The following GBX2 variants were observed in gnomAD, a reference collection of about 807,000 sequenced individuals.
GBX2 encodes homeobox protein GBX-2.
A neutral mutation model predicts 22.4 loss-of-function variants in GBX2; 5 were observed. The observed-to-expected ratio is 0.22, with a 90% CI of 0.12 to 0.47. The LOEUF (loss-of-function observed/expected upper bound fraction) is 0.47, where lower values mean the gene tolerates loss of function less well. Among genes scored for constraint, GBX2 ranks in the 20% least tolerant of loss-of-function variants. The probability of loss-of-function intolerance (pLI) is 0.99; values close to 1 mark genes in which losing one functional copy is unlikely to be tolerated. For missense variants in GBX2, 470 were observed against 495.4 expected, an observed-to-expected ratio of 0.95 and a Z score of 0.49; for synonymous variants, 220 against 230.5, an observed-to-expected ratio of 0.95 and a Z score of 0.41.
Position 236,166,310 on chromosome 2 carries a change from T to C in GBX2, c.651A>G (p.Ala217=), listed in dbSNP as rs775661503. 1 of 1,613,978 alleles carries C rather than the reference T, an allele frequency of 6.2e-7. No individual in the cohort carries two copies. Among genetic ancestry groups the C allele is most frequent in the South Asian group, 1.1e-5 (1 of 91,088 alleles). ...GGCCCGGGTCTTCCTCCTTGTGAGC[T>C]GCCTGGCCAGTCAGATTGTCATCCG... ...YSSDDNLTGQ[A]AHKEEDPGHA... The change falls in exon 2 of 2, where the codon GCA becomes GCG. Residue 217 remains alanine, a synonymous_variant. Transcript: ENST00000306318. The surrounding 1 kb of genome is among the most constrained non-coding windows in gnomAD (Gnocchi z 6.6).
intron 1 of GBX2, 150 bp downstream of exon 1, chr2:236,167,299 C>T: frequency 7.2e-7 from 1 of 1,386,550 alleles, no homozygotes; most frequent in Non-Finnish European, 9.9e-7. Context: ...GGAGGCCCAG[C>T]GGCACAGCCG....
chr2:236,168,180 A>T lies in GBX2; in HGVS notation c.-209T>A. 1 of 379,726 alleles carries T rather than the reference A, an allele frequency of 2.6e-6. No homozygotes were observed. Among genetic ancestry groups the T allele is most frequent in the Non-Finnish European group, 4.3e-6 (1 of 231,498 alleles). 23.5% of individuals were successfully genotyped at this position (379,726 alleles called of 1,614,324 possible). ...TGCGGGGTGAGGCCGTGCGCCCCGG[A>T]GTGGAGAGGGCGCCCGGGCCCCGAG... is the stretch of plus-strand genomic sequence containing the variant. On this transcript the variant is annotated 5_prime_UTR_variant, in exon 1 of 2. Transcript: ENST00000306318.
Position 236,166,263 on chromosome 2 carries a change from G to C in GBX2, c.698C>G (p.Pro233Arg). Residue 233 changes from proline to arginine, a missense_variant, in exon 2 of 2, where the codon CCG (proline) becomes CGG (arginine). Around this residue, in one of 4 missense-constraint regions of GBX2, gnomAD observed 377 missense variants for 358.6 expected, o/e 1.05. Coordinates refer to ENST00000306318, the MANE Select transcript of GBX2 (RefSeq NM_001485.4). The surrounding 1 kb of genome is among the most constrained non-coding windows in gnomAD (Gnocchi z 6.6). ...DPGHALEETP[P>R]SSGAAGSTTS... ...GGTGCTGCCCGCGGCGCCGCTGCTC[G>C]GCGGGGTCTCCTCCAGCGCGTGGCC... is the stretch of plus-strand genomic sequence containing the variant. 4 of 1,613,614 alleles carry C rather than the reference G, an allele frequency of 2.5e-6. No homozygotes were observed. The highest frequency in any genetic ancestry group is 3.4e-6 in the Non-Finnish European group (4 of 1,179,964).
At chr2:236,167,414 C>A (rs2060246681) in intron 1 of GBX2, 35 bp downstream of exon 1, 2 of 1,456,434 alleles carry the variant, frequency 1.4e-6, no homozygotes, top group South Asian at 1.4e-5. Context: ...CCTCCTCCCG[C>A]CCCCTCGTCC....
downstream of GBX2, among the ~76,000 whole-genome samples, chr2:236,162,066 T>C (rs1420927247): frequency 1.3e-5 from 2 of 152,226 alleles, no homozygotes; most frequent in African/African-American, 4.8e-5. Context: ...CTTCACCAGA[T>C]GCAGCTGAAA....
In GBX2 at chr2:236,165,728, G is replaced by C. The variant is rs551829622; in HGVS notation, c.*186C>G. The C allele has an allele frequency of 3.4e-6, 2 of 590,690 alleles. No individual in the cohort carries two copies. The highest frequency in any genetic ancestry group is 2.8e-5 in the East Asian group (1 of 36,112). The allele number at this position is 590,690 out of a possible 1,614,324, so 36.6% of individuals were successfully genotyped here. A position where few individuals can be genotyped will look rare whatever the true frequency, so the allele number is the denominator to read the frequency against. On this transcript the variant is annotated 3_prime_UTR_variant, in exon 2 of 2. Coordinates refer to ENST00000306318, the MANE Select transcript of GBX2 (RefSeq NM_001485.4). ...TAATAAATATTTAGCGTGTCTTCTG[G>C]TGTGGCTGTAAGCCCCTTCAAAAGC...
In GBX2 at chr2:236,167,991, C is replaced by T; in HGVS notation, c.-20G>A. 2.0e-6 allele frequency: 3 copies of T among 1,517,466 alleles called. No homozygotes were observed. The highest frequency in any genetic ancestry group is 2.6e-6 in the Non-Finnish European group (3 of 1,136,066). 94.0% of individuals were successfully genotyped at this position (1,517,466 alleles called of 1,614,324 possible). On this transcript the variant is annotated 5_prime_UTR_variant, in exon 1 of 2. Coordinates refer to ENST00000306318, the MANE Select transcript of GBX2 (RefSeq NM_001485.4). ...GCTCATAGACGCGCTCGGTAGAGGC[C>T]AGCGAGAGGCGAAAAGTCCCCGCGC...
At position 236,168,127 on chromosome 2, in the gene GBX2, G is replaced by A. The variant is rs952753785; in HGVS notation, c.-156C>T. ...GCCTCCGCCCCTCAGTCCTGGGCCC[G>A]CTGCATGCCGGGCGGGTGCAGGGGG... On this transcript the variant is annotated 5_prime_UTR_variant, in exon 1 of 2. Transcript: ENST00000306318. The A allele has an allele frequency of 3.8e-5, 28 of 738,894 alleles. No homozygotes were observed. The African/African-American group carries it at 5.0e-4, about 13-fold the overall frequency. 45.8% of individuals were successfully genotyped at this position (738,894 alleles called of 1,614,324 possible).
At chr2:236,164,670 C>G (rs993928670), downstream of GBX2, among the ~76,000 whole-genome samples, 12 of 152,136 alleles carry the variant, frequency 7.9e-5, no homozygotes, top group South Asian at 2.5e-3. Context: ...GGGGAGGTGC[C>G]GGGGCCGGGG....
chr2:236,163,811 C>A (rs2060223337), downstream of GBX2, among the ~76,000 whole-genome samples: 1 of 152,204 alleles, frequency 6.6e-6, no homozygotes, highest in African/African-American at 2.4e-5. Flanking sequence ...GCACTCAGCG[C>A]TTCCTGGCGG....
At chr2:236,164,200 C>T (rs1168794037), downstream of GBX2, among the ~76,000 whole-genome samples, 1 of 152,158 alleles carries the variant, frequency 6.6e-6, no homozygotes, top group South Asian at 2.1e-4. Context: ...TGGCGGGCCG[C>T]GCTTCCCCTT....
chr2:236,168,201 C>T lies in GBX2; in HGVS notation c.-230G>A. ...CCGGAGTGGAGAGGGCGCCCGGGCCCCGAGGGCTCGCCGGAGCCCCCGTCC... is the reference window on the plus strand; with the variant it reads ...CCGGAGTGGAGAGGGCGCCCGGGCCTCGAGGGCTCGCCGGAGCCCCCGTCC... On this transcript the variant is annotated 5_prime_UTR_variant, in exon 1 of 2. Transcript: ENST00000306318. 3.3e-6 allele frequency: 1 copy of T among 302,422 alleles called. No homozygotes were observed. Among genetic ancestry groups the T allele is most frequent in the Non-Finnish European group, 5.9e-6 (1 of 170,052 alleles). The allele number at this position is 302,422 out of a possible 1,614,324, so 18.7% of individuals were successfully genotyped here.
At chr2:236,163,038 C>A (rs1295205423), downstream of GBX2, among the ~76,000 whole-genome samples, 2 of 152,172 alleles carry the variant, frequency 1.3e-5, no homozygotes, top group Admixed American at 6.5e-5. Context: ...CCAGCTGAGA[C>A]GGCCTGGCTT....
At position 236,168,304 on chromosome 2, in the gene GBX2, C is replaced by A; in HGVS notation, c.-333G>T. The A allele has an allele frequency of 5.7e-6, 1 of 175,794 alleles. No homozygotes were observed. The highest frequency in any genetic ancestry group is 1.2e-5 in the Non-Finnish European group (1 of 83,520). 10.9% of individuals were successfully genotyped at this position (175,794 alleles called of 1,614,324 possible). A position where few individuals can be genotyped will look rare whatever the true frequency, so the allele number is the denominator to read the frequency against. On this transcript the variant is annotated 5_prime_UTR_variant, in exon 1 of 2. Coordinates refer to ENST00000306318, the MANE Select transcript of GBX2 (RefSeq NM_001485.4). ...GTAAGCTGCCGTCCGTCCGTCCGTC[C>A]CGCCGTCCGTCGCCTCCCGCGGGCC...
chr2:236,167,355 G>C, intron 1 of GBX2, 94 bp downstream of exon 1: 1 of 1,392,022 alleles, frequency 7.2e-7, no homozygotes, highest in Non-Finnish European at 9.5e-7. Flanking sequence ...CGGGGGCGCG[G>C]CCTCGCCCCC....
At position 236,165,872 on chromosome 2, in the gene GBX2, G is replaced by A; in HGVS notation, c.*42C>T. On this transcript the variant is annotated 3_prime_UTR_variant, in exon 2 of 2. Coordinates refer to ENST00000306318, the MANE Select transcript of GBX2 (RefSeq NM_001485.4). Reference sequence around the variant, plus strand: ...CACCATGGGTTCCCTCGGGTGCGGGGGCTTCTCCAGGTGGGTGCCAGGCCC... The same window carrying A: ...CACCATGGGTTCCCTCGGGTGCGGGAGCTTCTCCAGGTGGGTGCCAGGCCC... 1.3e-6 allele frequency: 2 copies of A among 1,512,578 alleles called. No homozygotes were observed. Among genetic ancestry groups the A allele is most frequent in the Non-Finnish European group, 1.8e-6 (2 of 1,116,946 alleles). 93.7% of individuals were successfully genotyped at this position (1,512,578 alleles called of 1,614,324 possible).
At chr2:236,163,252 C>G (rs2126006812), downstream of GBX2, among the ~76,000 whole-genome samples, 1 of 151,678 alleles carries the variant, frequency 6.6e-6, no homozygotes, top group South Asian at 2.1e-4. Context: ...GGGGGCGCCC[C>G]GGGGCTCAGG....
chr2:236,166,022 C>T lies in GBX2; in HGVS notation c.939G>A (p.Lys313=), dbSNP rs1284961144. 3 of 1,614,230 alleles carry T rather than the reference C, an allele frequency of 1.9e-6. No individual in the cohort carries two copies. Among genetic ancestry groups the T allele is most frequent in the Non-Finnish European group, 2.5e-6 (3 of 1,180,024 alleles). ...TAGGGTTCCGGGAGGGCTCCCCTGTCTTGGAATTGGCATTGCCTGCCTTCA... is the reference window on the plus strand; with the variant it reads ...TAGGGTTCCGGGAGGGCTCCCCTGTTTTGGAATTGGCATTGCCTGCCTTCA... ...KRVKAGNANS[K]TGEPSRNPKI... Residue 313 remains lysine (K), a synonymous_variant, in exon 2 of 2, where the codon AAG becomes AAA. Coordinates refer to ENST00000306318, the MANE Select transcript of GBX2 (RefSeq NM_001485.4). This position sits in a 1 kb window ranked among gnomAD's most constrained non-coding sequence, Gnocchi z 6.6.
chr2:236,166,135 C>G lies in GBX2; in HGVS notation c.826G>C (p.Glu276Gln), dbSNP rs866290647. ...AGGGCGTGGGCGATCTGCGAGCGCTCGGTCAAGGAGAGGTACTTTTTGCAG... is the reference window on the plus strand; with the variant it reads ...AGGGCGTGGGCGATCTGCGAGCGCTGGGTCAAGGAGAGGTACTTTTTGCAG... ...FHCKKYLSLT[E>Q]RSQIAHALKL... Residue 276 changes from glutamate (E) to glutamine (Q), a missense_variant, in exon 2 of 2, where the codon GAG becomes CAG. This residue lies in a region of GBX2 where 40 missense variants were observed against 55.1 expected (regional missense o/e 0.73). Transcript: ENST00000306318. The surrounding 1 kb of genome is among the most constrained non-coding windows in gnomAD (Gnocchi z 6.6). 1 of 1,614,072 alleles carries G rather than the reference C, an allele frequency of 6.2e-7. No individual in the cohort carries two copies. Among genetic ancestry groups the G allele is most frequent in the Admixed American group, 1.7e-5 (1 of 60,014 alleles).
Sources: gnomAD v4.1 joint callset for allele counts (sites outside exome capture counted in the v4.1 genomes callset) on GRCh38, gnomAD v4.1.1 for gene constraint, gnomAD v4.1.1 regional missense constraint, Gnocchi (gnomAD v3.1) non-coding constraint, MANE v1.5 for transcripts, NCBI Gene and HGNC (gene_info 2026-07-23, HGNC 2026-07-21) for gene names.